MYO1D: variants seen among roughly 807,000 people sequenced by gnomAD.
MYO1D encodes the protein unconventional myosin-Id.
Under a neutral mutation model 122.0 loss-of-function variants are expected in MYO1D, and 83 were observed. The ratio of observed to expected loss-of-function variants is 0.68; its 90% CI spans 0.57 to 0.82. The LOEUF is 0.82. Among genes scored for constraint, MYO1D ranks in the 40% least tolerant of loss-of-function variants. MYO1D has a pLI of 0.00. For synonymous variants in MYO1D, 464 were observed against 446.9 expected, an observed-to-expected ratio of 1.04 and a Z score of -0.48; for missense variants, 1,157 against 1,269.5, an observed-to-expected ratio of 0.91 and a Z score of 1.35.
chr17:32,770,986 A>C, intron 6 of MYO1D, 139 bp downstream of exon 6: 1 of 507,112 alleles, frequency 2.0e-6, no homozygotes, highest in Non-Finnish European at 3.3e-6. Context: ...TCTGTCCTTG[A>C]GAATTTAAAA....
At chr17:32,725,458 T>C (rs1471932055) in intron 14 of MYO1D, among the ~76,000 whole-genome samples, 1 of 151,898 alleles carries the variant, frequency 6.6e-6, no homozygotes, top group African/African-American at 2.4e-5. Flanking sequence ...GAGGCAGAGT[T>C]TGCAGTGAGC....
At chr17:32,681,455 TTG>T (rs1281218872) in intron 16 of MYO1D, among the ~76,000 whole-genome samples, 17 of 147,336 alleles carry the variant, frequency 1.2e-4, no homozygotes, top group African/African-American at 4.3e-4. Context: ...TGTTGTGTCT[TTG>T]TTCTCGTTGG....
At chr17:32,790,904 C>A (rs1004431906) in intron 1 of MYO1D, among the ~76,000 whole-genome samples, 3 of 152,188 alleles carry the variant, frequency 2.0e-5, no homozygotes, top group East Asian at 3.8e-4. Context: ...GGACTCAGGG[C>A]TCCTTGAAGA....
chr17:32,719,495 C>T (rs954613439), intron 15 of MYO1D, among the ~76,000 whole-genome samples: 12 of 152,128 alleles, frequency 7.9e-5, no homozygotes, highest in Admixed American at 5.9e-4. Flanking sequence ...GGACTACAGG[C>T]GCCCGCCACC....
At chr17:32,506,779 A>G (rs1909515928) in intron 21 of MYO1D, among the ~76,000 whole-genome samples, 1 of 152,234 alleles carries the variant, frequency 6.6e-6, no homozygotes, top group Non-Finnish European at 1.5e-5. Flanking sequence ...CATAAATCAA[A>G]TACTAATCAA....
At chr17:32,601,782 A>G (rs572113760) in intron 21 of MYO1D, among the ~76,000 whole-genome samples, 2 of 152,362 alleles carry the variant, frequency 1.3e-5, no homozygotes, top group East Asian at 1.9e-4. Flanking sequence ...AAAAACCACA[A>G]TATCTGTGAA....
intron 1 of MYO1D, among the ~76,000 whole-genome samples, chr17:32,844,463 G>T (rs1428534931): frequency 2.8e-5 from 4 of 145,226 alleles, no homozygotes; most frequent in Non-Finnish European, 5.9e-5. Context: ...GCTCATAACT[G>T]TAATCCTAGC....
chr17:32,822,017 T>C (rs1156278096), intron 1 of MYO1D, among the ~76,000 whole-genome samples: 4 of 152,186 alleles, frequency 2.6e-5, no homozygotes, highest in Non-Finnish European at 5.9e-5. Context: ...AGCCATCCCA[T>C]TACTGGGTAT....
chr17:32,607,597 C>A (rs983293441), intron 20 of MYO1D, among the ~76,000 whole-genome samples: 10 of 152,058 alleles, frequency 6.6e-5, no homozygotes, highest in African/African-American at 2.4e-4. Context: ...CCATATTAAT[C>A]TATAGATTTA....
chr17:32,726,572 A>G (rs527805816), intron 14 of MYO1D, among the ~76,000 whole-genome samples: 1 of 150,278 alleles, frequency 6.7e-6, no homozygotes, highest in African/African-American at 2.4e-5. Context: ...ATCTAAATAG[A>G]TATATATTAT....
chr17:32,658,350 T>C (rs1376176444), intron 17 of MYO1D, among the ~76,000 whole-genome samples: 2 of 152,182 alleles, frequency 1.3e-5, no homozygotes, highest in Non-Finnish European at 2.9e-5. Flanking sequence ...AAAATGACTA[T>C]ATTTGAGAAG....
At chr17:32,544,421 A>G (rs868608303) in intron 21 of MYO1D, among the ~76,000 whole-genome samples, 2 of 152,206 alleles carry the variant, frequency 1.3e-5, no homozygotes, top group South Asian at 4.1e-4. Context: ...TAAGTTTTAT[A>G]TGACACTAGC....
At chr17:32,570,033 T>C (rs962891923) in intron 21 of MYO1D, among the ~76,000 whole-genome samples, 12 of 152,216 alleles carry the variant, frequency 7.9e-5, no homozygotes, top group Admixed American at 7.9e-4. Context: ...AAGGGAACTG[T>C]GGAATATATT....
chr17:32,653,277 C>A (rs190471647), intron 19 of MYO1D, among the ~76,000 whole-genome samples: 2 of 151,898 alleles, frequency 1.3e-5, no homozygotes, highest in East Asian at 3.9e-4. Flanking sequence ...AAAGAGGTCC[C>A]CGCAATCTAG....
chr17:32,716,550 G>A (rs1378773496), intron 15 of MYO1D, among the ~76,000 whole-genome samples: 3 of 152,204 alleles, frequency 2.0e-5, no homozygotes, highest in Middle Eastern at 3.2e-3. Flanking sequence ...GATGGGGGCA[G>A]AGATCAAAGC....
chr17:32,751,175 C>A (rs2151010680), intron 11 of MYO1D, among the ~76,000 whole-genome samples: 1 of 152,014 alleles, frequency 6.6e-6, no homozygotes, highest in African/African-American at 2.4e-5. Flanking sequence ...GCCTGTCTCT[C>A]CATGGTAACT....
At chr17:32,817,261 T>C (rs2090620086) in intron 1 of MYO1D, among the ~76,000 whole-genome samples, 1 of 152,176 alleles carries the variant, frequency 6.6e-6, no homozygotes, top group Non-Finnish European at 1.5e-5. Context: ...ATTAGCAATC[T>C]ACAAATTTTA....
chr17:32,762,704 T>A lies in MYO1D; in HGVS notation c.1036-2077A>T, dbSNP rs551925071. ...GCCTGGCCAACATGATGAGACCCCA[T>A]CTCTACTAAAAATACAAAAATTAGC... is the stretch of plus-strand genomic sequence containing the variant. On this transcript the variant is annotated intron_variant, in intron 8 of 21. Transcript: ENST00000318217. Among the ~76,000 whole-genome samples, 6 of 151,802 alleles carry A rather than the reference T, an allele frequency of 4.0e-5. No homozygotes were observed. The East Asian group carries it at 9.7e-4, about 25-fold the overall frequency.
intron 1 of MYO1D, among the ~76,000 whole-genome samples, chr17:32,860,379 A>AC (rs1186448709): frequency 6.6e-6 from 1 of 151,884 alleles, no homozygotes; most frequent in Non-Finnish European, 1.5e-5. Context: ...GCAACCACAC[A>AC]CCCCTCCAGG....
Sources: allele counts gnomAD v4.1 joint callset (sites outside exome capture counted in the v4.1 genomes callset), GRCh38; gene constraint gnomAD v4.1.1; transcripts MANE v1.5; gene names NCBI Gene and HGNC (gene_info 2026-07-23, HGNC 2026-07-21).